The following ABL2 variants were observed in gnomAD, a reference collection of about 807,000 sequenced individuals.
ABL2 encodes the protein tyrosine-protein kinase ABL2.
In ABL2, 49 loss-of-function variants were observed where a neutral mutation model predicts 107.7. The ratio of observed to expected loss-of-function variants is 0.45; its 90% confidence interval spans 0.36 to 0.58. The LOEUF (loss-of-function observed/expected upper bound fraction) is 0.58. Ranked by LOEUF, ABL2 falls within the 20% of genes least tolerant of loss-of-function variation. The pLI, the probability that ABL2 is intolerant of heterozygous loss-of-function variation, is 0.00. For synonymous variants in ABL2, 549 were observed against 548.6 expected, an observed-to-expected ratio of 1.00 and a Z score of -0.01; for missense variants, 1,245 against 1,457.0, an observed-to-expected ratio of 0.85 and a Z score of 2.37.
chr1:179,173,592 C>T (rs370354691), intron 1 of ABL2, among the ~76,000 whole-genome samples: 24 of 152,036 alleles, frequency 1.6e-4, no homozygotes, highest in Admixed American at 7.9e-4. Flanking sequence ...CCTCGTGATC[C>T]GCCCACCTTG....
rs115126438 is a variant in ABL2, at chr1:179,144,036, T to C, written c.158-10662A>G. On this transcript the variant is annotated intron_variant, in intron 1 of 11. Transcript: ENST00000502732. Reference sequence around the variant, plus strand: ...TTTAAAGCAAAAAGCCCAATCTTTGTTAATAAACAGGAACAAAGTTAAAGA... The same window carrying C: ...TTTAAAGCAAAAAGCCCAATCTTTGCTAATAAACAGGAACAAAGTTAAAGA... Among the ~76,000 whole-genome samples the C allele has an allele frequency of 9.8e-3, 1,492 of 152,254 alleles. 16 individuals are homozygous for C. Among genetic ancestry groups the C allele is most frequent in the Non-Finnish European group, 0.018 (1,217 of 68,014 alleles).
rs1653753547 is a variant in ABL2, at chr1:179,108,901, G to C, written c.2366C>G (p.Ser789Ter). 6.2e-7 allele frequency: 1 copy of C among 1,614,192 alleles called. No individual in the cohort carries two copies. The highest frequency in any genetic ancestry group is 8.5e-7 in the Non-Finnish European group (1 of 1,180,036). Residue 789 changes from serine (S) to a stop codon, truncating the protein, a stop_gained, in exon 12 of 12, where the codon TCA becomes TGA. Transcript: ENST00000502732. LOFTEE classifies it high-confidence loss of function. ...CATCCTATCCTGCTCTGGAAGCCCT[G>C]AGGACATGGAAGATGTAGAGTTTGA... ...PRSNSTSSMS[S>*]GLPEQDRMAM...
intron 1 of ABL2, among the ~76,000 whole-genome samples, chr1:179,156,899 AAAT>A (rs1352879523): frequency 1.1e-5 from 1 of 94,460 alleles, no homozygotes; most frequent in East Asian, 4.2e-4. Context: ...ATAAATAAAT[AAAT>A]AAATAAATAA....
intron 1 of ABL2, among the ~76,000 whole-genome samples, chr1:179,223,123 A>G (rs1356981238): frequency 4.0e-5 from 6 of 151,284 alleles, no homozygotes; most frequent in Non-Finnish European, 8.8e-5. Flanking sequence ...AAAAAAAAAA[A>G]AAAAAAAAGT....
chr1:179,199,946 G>A (rs531800865), intron 1 of ABL2, among the ~76,000 whole-genome samples: 1 of 151,222 alleles, frequency 6.6e-6, no homozygotes, highest in Non-Finnish European at 1.5e-5. Context: ...GCCTAAGCTG[G>A]TCTCAAATTC....
chr1:179,190,475 A>G (rs1350415721), intron 1 of ABL2, among the ~76,000 whole-genome samples: 3 of 152,164 alleles, frequency 2.0e-5, no homozygotes, highest in African/African-American at 7.2e-5. Flanking sequence ...AGCTGTCTCA[A>G]CCCAGTACTT....
chr1:179,142,852 G>A, intron 1 of ABL2: 1 of 1,497,414 alleles, frequency 6.7e-7, no homozygotes, highest in South Asian at 1.3e-5. Context: ...TAGCAGATAA[G>A]ATGAATTTTT....
At chr1:179,181,606 C>T (rs536644507) in intron 1 of ABL2, among the ~76,000 whole-genome samples, 3 of 152,268 alleles carry the variant, frequency 2.0e-5, no homozygotes, top group East Asian at 1.9e-4. Flanking sequence ...CCTAACTCAG[C>T]ACACTCTAAT....
At chr1:179,208,647 G>A (rs1662108835) in intron 1 of ABL2, among the ~76,000 whole-genome samples, 2 of 151,790 alleles carry the variant, frequency 1.3e-5, no homozygotes, top group Admixed American at 6.6e-5. Flanking sequence ...CCTACTAGCT[G>A]TGTGGTCTGA....
At chr1:179,130,447 T>C (rs1431820411) in intron 3 of ABL2, among the ~76,000 whole-genome samples, 1 of 152,216 alleles carries the variant, frequency 6.6e-6, no homozygotes, top group Non-Finnish European at 1.5e-5. Flanking sequence ...GTTTTACCTT[T>C]TGGAGCAAGG....
chr1:179,109,052 CA>C lies in ABL2; in HGVS notation c.2214del (p.Ser738ArgfsTer19). On this transcript the variant is annotated frameshift_variant, in exon 12 of 12. Coordinates refer to ENST00000502732, the MANE Select transcript of ABL2 (RefSeq NM_007314.4). LOFTEE classifies it high-confidence loss of function. ...CCAGACCACCCACCCCCAGCAGTGC[CA>C]CTGCCCCCACCCCCACCACCGTCGT... ...CNDDGGGGGG[S>X]GTAGGGWSGI... 2 of 1,397,514 alleles carry C rather than the reference CA, an allele frequency of 1.4e-6. No individual in the cohort carries two copies. The highest frequency in any genetic ancestry group is 2.0e-6 in the Non-Finnish European group (2 of 1,001,706). The allele number at this position is 1,397,514 out of a possible 1,614,324, so 86.6% of individuals were successfully genotyped here. A position where few individuals can be genotyped will look rare whatever the true frequency, so the allele number is the denominator to read the frequency against.
At position 179,110,350 on chromosome 1, in the gene ABL2, A is replaced by G; in HGVS notation, c.1757T>C (p.Val586Ala). 1 of 1,614,110 alleles carries G rather than the reference A, an allele frequency of 6.2e-7. No individual in the cohort carries two copies. Among genetic ancestry groups the G allele is most frequent in the Non-Finnish European group, 8.5e-7 (1 of 1,180,016 alleles). The change falls in exon 11 of 12, where the codon GTG (valine) becomes GCG (alanine). Residue 586 changes from valine (V) to alanine (A), a missense_variant. Physicochemically the swap from Val to Ala is moderately conservative, Grantham distance 64. This residue lies in a region of ABL2 where 761 missense variants were observed against 766.4 expected (regional missense o/e 0.99). Coordinates refer to ENST00000502732, the MANE Select transcript of ABL2 (RefSeq NM_007314.4). ...PSKTRTLKKQ[V>A]ENKENIEGAQ... Reference sequence around the variant, plus strand: ...CCCTTCAATGTTCTCCTTGTTCTCCACCTGTTTCTTCAGTGTCCGAGTCTT... The same window carrying G: ...CCCTTCAATGTTCTCCTTGTTCTCCGCCTGTTTCTTCAGTGTCCGAGTCTT...
chr1:179,188,095 T>A (rs1009172287), intron 1 of ABL2, among the ~76,000 whole-genome samples: 3 of 152,204 alleles, frequency 2.0e-5, no homozygotes, highest in African/African-American at 7.2e-5. Flanking sequence ...TGGAAGGATA[T>A]ACACCTCTAC....
intron 1 of ABL2, among the ~76,000 whole-genome samples, chr1:179,139,594 T>C (rs1025054492): frequency 2.0e-5 from 3 of 152,160 alleles, no homozygotes; most frequent in African/African-American, 7.2e-5. Context: ...TTCAAAAATA[T>C]ATCCAGAATC....
Position 179,102,929 on chromosome 1 carries a change from T to C in ABL2, c.*4789A>G, listed in dbSNP as rs1653224323. The C allele has an allele frequency of 1.3e-5, 3 of 226,730 alleles. No homozygotes were observed. The highest frequency in any genetic ancestry group is 2.2e-5 in the African/African-American group (1 of 45,016). 14.0% of individuals were successfully genotyped at this position (226,730 alleles called of 1,614,324 possible). A position where few individuals can be genotyped will look rare whatever the true frequency, so the allele number is the denominator to read the frequency against. On this transcript the variant is annotated 3_prime_UTR_variant, in exon 12 of 12. Transcript: ENST00000502732. ...TAATTCCCAAAGTGCACTGGTTTTA[T>C]GGCCATCCACCTCCCCCTGTAAACC...
At chr1:179,209,957 C>T (rs1662174518) in intron 1 of ABL2, among the ~76,000 whole-genome samples, 1 of 152,180 alleles carries the variant, frequency 6.6e-6, no homozygotes, top group South Asian at 2.1e-4. Context: ...TCACTGTAAC[C>T]TCACACTCTT....
intron 1 of ABL2, among the ~76,000 whole-genome samples, chr1:179,136,565 A>G (rs1393688399): frequency 6.8e-6 from 1 of 148,030 alleles, no homozygotes; most frequent in African/African-American, 2.5e-5. Flanking sequence ...CAGGGACACA[A>G]ACACTGCGGA....
chr1:179,108,598 C>A lies in ABL2; in HGVS notation c.2669G>T (p.Gly890Val). 1 of 1,614,106 alleles carries A rather than the reference C, an allele frequency of 6.2e-7. No individual in the cohort carries two copies. The highest frequency in any genetic ancestry group is 1.1e-5 in the South Asian group (1 of 91,084). ...GVAGVAAAPK[G>V]KEKNGGARLG... is the part of the protein sequence containing the mutation. ...TCGTGCCCCACCATTCTTCTCTTTA[C>A]CCTTGGGGGCAGCTGCCACTCCAGC... is the stretch of plus-strand genomic sequence containing the variant. Residue 890 changes from glycine (G) to valine (V), a missense_variant, in exon 12 of 12, where the codon GGT (glycine) becomes GTT (valine). Coordinates refer to ENST00000502732, the MANE Select transcript of ABL2 (RefSeq NM_007314.4).
At chr1:179,179,769 A>T (rs1660261788) in intron 1 of ABL2, among the ~76,000 whole-genome samples, 1 of 152,080 alleles carries the variant, frequency 6.6e-6, no homozygotes, top group Non-Finnish European at 1.5e-5. Context: ...AAAATAGTAC[A>T]ACTGTGATAT....
Sources: allele counts gnomAD v4.1 joint callset (sites outside exome capture counted in the v4.1 genomes callset), GRCh38; gene constraint gnomAD v4.1.1; regional missense constraint gnomAD v4.1.1; transcripts MANE v1.5; gene names NCBI Gene and HGNC (gene_info 2026-07-23, HGNC 2026-07-21).